MARCHF10: variants seen among roughly 807,000 people sequenced by gnomAD.
The protein encoded by MARCHF10 is probable E3 ubiquitin-protein ligase MARCHF10.
A neutral mutation model predicts 76.2 loss-of-function variants in MARCHF10; 64 were observed. That is an observed-to-expected ratio of 0.84 (90% confidence interval 0.69 to 1.03). The LOEUF (loss-of-function observed/expected upper bound fraction) is 1.03, where lower values mean the gene tolerates loss of function less well. Ranked by LOEUF, MARCHF10 falls within the 50% of genes least tolerant of loss-of-function variation. The probability of loss-of-function intolerance (pLI) is 0.00; values close to 1 mark genes in which losing one functional copy is unlikely to be tolerated. For missense variants in MARCHF10, 875 were observed against 958.0 expected (o/e 0.91, Z 1.14); for synonymous variants, 340 against 357.5 (o/e 0.95, Z 0.55).
At chr17:62,794,593 T>A (rs962272395) in intron 2 of MARCHF10, among the ~76,000 whole-genome samples, 1 of 152,142 alleles carries the variant, frequency 6.6e-6, no homozygotes, top group Admixed American at 6.5e-5. Flanking sequence ...GCTCTCTGAG[T>A]CCATAGTTGT....
intron 2 of MARCHF10, among the ~76,000 whole-genome samples, chr17:62,795,283 G>T (rs977510413): frequency 1.4e-5 from 2 of 139,220 alleles, no homozygotes; most frequent in African/African-American, 5.3e-5. Context: ...AATGCCAAGT[G>T]TAATCTTTGC....
chr17:62,798,692 T>C (rs1249128733), intron 2 of MARCHF10, among the ~76,000 whole-genome samples: 3 of 152,112 alleles, frequency 2.0e-5, no homozygotes, highest in Non-Finnish European at 2.9e-5. Context: ...ACATCTGGGA[T>C]GAGGCAGGAA....
intron 1 of MARCHF10, among the ~76,000 whole-genome samples, chr17:62,802,327 C>T (rs1236836970): frequency 1.3e-5 from 2 of 152,132 alleles, no homozygotes; most frequent in African/African-American, 4.8e-5. Context: ...TCAAGCGATT[C>T]TCTTGCCTCA....
intron 4 of MARCHF10, among the ~76,000 whole-genome samples, chr17:62,750,828 G>A (rs1452772735): frequency 6.6e-6 from 1 of 152,200 alleles, no homozygotes; most frequent in Non-Finnish European, 1.5e-5. Flanking sequence ...TGAGGCTGCC[G>A]TGTGGAAGCT....
At position 62,711,953 on chromosome 17, in the gene MARCHF10, T is replaced by C. The variant is rs1029400942; in HGVS notation, c.2215-609A>G. Among the ~76,000 whole-genome samples the C allele has an allele frequency of 6.6e-6, 1 of 152,168 alleles. No homozygotes were observed. Among genetic ancestry groups the C allele is most frequent in the East Asian group, 1.9e-4 (1 of 5,190 alleles). On this transcript the variant is annotated intron_variant, in intron 8 of 10. Transcript: ENST00000311269. This position sits in a 1 kb window ranked among gnomAD's most constrained non-coding sequence, Gnocchi z 4.4. ...AACGTTTCCGCTTTCTCTTGAGGAG[T>C]GGGCTGTGCTTTTTTTCTCGCTGGT...
intron 6 of MARCHF10, among the ~76,000 whole-genome samples, chr17:62,730,691 C>A (rs1039938183): frequency 2.0e-5 from 3 of 152,170 alleles, no homozygotes; most frequent in Non-Finnish European, 4.4e-5. Flanking sequence ...GTCAGGAGTT[C>A]GAGACCAGCC....
chr17:62,795,147 C>A (rs1481079162), intron 2 of MARCHF10: 1 of 661,182 alleles, frequency 1.5e-6, no homozygotes, highest in Non-Finnish European at 1.9e-6. Flanking sequence ...AGTCGCCTAT[C>A]GTGTCCTTGA....
At chr17:62,757,910 G>C (rs991467658) in intron 4 of MARCHF10, among the ~76,000 whole-genome samples, 6 of 152,126 alleles carry the variant, frequency 3.9e-5, no homozygotes, top group Non-Finnish European at 8.8e-5. Flanking sequence ...CTTTTTGTCA[G>C]TGCTATAAGT....
At chr17:62,737,480 G>GT in intron 5 of MARCHF10, 148 bp from the exon 6 acceptor site, 1 of 721,878 alleles carries the variant, frequency 1.4e-6, no homozygotes, top group Non-Finnish European at 2.3e-6. Context: ...GGAGGTACAA[G>GT]AGGAGCAGAG....
chr17:62,764,583 G>A (rs572485779), intron 3 of MARCHF10, among the ~76,000 whole-genome samples: 65 of 148,370 alleles, frequency 4.4e-4, no homozygotes, highest in African/African-American at 1.6e-3. Context: ...ACATGGGAAG[G>A]TCGATCAAGG....
rs544759364 is a variant in MARCHF10 at position 62,735,694 on chromosome 17, G to A, written c.1937+237C>T. On this transcript the variant is annotated intron_variant, in intron 6 of 10. Transcript: ENST00000311269. ...CAGACTTAAGGGTGTGGTATTCAAG[G>A]AAAAAAACACTTTGGGAAATAGAGA... 4.1e-5 allele frequency: 21 copies of A among 514,900 alleles called. No homozygotes were observed. In the South Asian group the frequency reaches 5.5e-4, roughly 14 times the overall value. The allele number at this position is 514,900 out of a possible 1,614,324, so 31.9% of individuals were successfully genotyped here.
chr17:62,793,471 ACCATCACCACCACCT>A lies in MARCHF10; in HGVS notation c.91-4887_91-4873del, dbSNP rs1367141233. 7.9e-3 allele frequency among the ~76,000 whole-genome samples: 959 copies of A among 121,310 alleles called. 11 individuals are homozygous for A. Among genetic ancestry groups the A allele is most frequent in the Non-Finnish European group, 0.01 (609 of 58,942 alleles). The allele number at this position is 121,310 out of a possible 152,430, so 79.6% of individuals were successfully genotyped here. ...CACCATCACCACCACCATCACCACC[ACCATCACCACCACCT>A]CCATCACCACCACCACCTCCATCAC... On this transcript the variant is annotated intron_variant, in intron 2 of 10. Transcript: ENST00000311269.
chr17:62,776,866 G>A (rs1289664552), intron 3 of MARCHF10, among the ~76,000 whole-genome samples: 1 of 152,150 alleles, frequency 6.6e-6, no homozygotes, highest in African/African-American at 2.4e-5. Flanking sequence ...AAGGAACCTG[G>A]TGTTTTAAAG....
chr17:62,790,281 T>C (rs1212421536), intron 2 of MARCHF10, among the ~76,000 whole-genome samples: 2 of 152,180 alleles, frequency 1.3e-5, no homozygotes, highest in Non-Finnish European at 2.9e-5. Flanking sequence ...GTTCAAGCGA[T>C]TCTCCTGCCT....
chr17:62,777,337 T>G (rs2092570227), intron 3 of MARCHF10, among the ~76,000 whole-genome samples: 1 of 152,212 alleles, frequency 6.6e-6, no homozygotes, highest in Non-Finnish European at 1.5e-5. Flanking sequence ...TGGCAACACC[T>G]GGGAGTTAAC....
At chr17:62,737,373 G>A (rs765590194) in intron 5 of MARCHF10, 41 bp from the exon 6 acceptor site, 2 of 1,576,770 alleles carry the variant, frequency 1.3e-6, no homozygotes, top group Non-Finnish European at 1.7e-6. Context: ...CAGTAAAAGG[G>A]CCCATGGATG....
At chr17:62,768,083 T>C (rs926184565) in intron 3 of MARCHF10, among the ~76,000 whole-genome samples, 8 of 152,182 alleles carry the variant, frequency 5.3e-5, no homozygotes, top group Non-Finnish European at 1.0e-4. Context: ...TCCCTGAAAG[T>C]CTGAGAAGTG....
chr17:62,725,036 G>T lies in MARCHF10; in HGVS notation c.2006C>A (p.Pro669Gln). Residue 669 changes from proline (P) to glutamine (Q), a missense_variant, in exon 7 of 11, where the codon CCA (proline) becomes CAA (glutamine). Physicochemically the swap from Pro to Gln is moderately conservative, Grantham distance 76. Coordinates refer to ENST00000311269, the MANE Select transcript of MARCHF10 (RefSeq NM_152598.4). The stretch of plus-strand genomic sequence containing the variant: ...GCAAGGCTCCAGGAGGGGGTTGCTT[G>T]GGGAACCCCCGGCTATCTGACAGAT... ...CRICQIAGGS[P>Q]SNPLLEPCGC... is the part of the protein sequence containing the mutation. 6.2e-7 allele frequency: 1 copy of T among 1,609,722 alleles called. No homozygotes were observed. Among genetic ancestry groups the T allele is most frequent in the Non-Finnish European group, 8.5e-7 (1 of 1,178,402 alleles).
intron 10 of MARCHF10, among the ~76,000 whole-genome samples, chr17:62,704,328 CG>C (rs952586598): frequency 3.3e-5 from 5 of 151,878 alleles, no homozygotes; most frequent in African/African-American, 4.8e-5. Flanking sequence ...GCTGGAGGCC[CG>C]GGGGGGCGAG....
Sources: allele counts gnomAD v4.1 joint callset (sites outside exome capture counted in the v4.1 genomes callset), GRCh38; gene constraint gnomAD v4.1.1; non-coding constraint Gnocchi (gnomAD v3.1); transcripts MANE v1.5; gene names NCBI Gene and HGNC (gene_info 2026-07-23, HGNC 2026-07-21).